Variants in HECTD4 observed in about 807,000 individuals in gnomAD.
HECTD4 encodes HECT domain E3 ubiquitin protein ligase 4, also known as probable E3 ubiquitin-protein ligase HECTD4.
A neutral mutation model predicts 471.5 loss-of-function variants in HECTD4; 114 were observed. The observed-to-expected ratio is 0.24, with a 90% CI of 0.21 to 0.28. The LOEUF (loss-of-function observed/expected upper bound fraction) is 0.28. Ranked by LOEUF, HECTD4 falls within the 10% of genes least tolerant of loss-of-function variation. The probability of loss-of-function intolerance (pLI) is 1.00; values close to 1 mark genes in which losing one functional copy is unlikely to be tolerated. For synonymous variants in HECTD4, 2,012 were observed against 2,256.0 expected, an observed-to-expected ratio of 0.89 and a Z score of 3.07; for missense variants, 3,866 against 5,651.5, an observed-to-expected ratio of 0.68 and a Z score of 10.13.
At chr12:112,250,105 T>C (rs755542962) in intron 25 of HECTD4, 39 bp downstream of exon 25, 1 of 1,462,318 alleles carries the variant, frequency 6.8e-7, no homozygotes, top group East Asian at 2.3e-5. Context: ...AAACTTTTTT[T>C]TCCCATTGGG....
chr12:112,256,290 G>A, intron 21 of HECTD4, 30 bp downstream of exon 21: 1 of 1,458,388 alleles, frequency 6.9e-7, no homozygotes, highest in Non-Finnish European at 9.2e-7. Flanking sequence ...TACTCGAGGT[G>A]GAACCAATAG....
chr12:112,249,650 C>T (rs1336797692), intron 25 of HECTD4: 1 of 154,342 alleles, frequency 6.5e-6, no homozygotes, highest in African/African-American at 2.4e-5. Flanking sequence ...TGACTTTAAG[C>T]AAGAATACCA....
Position 112,235,122 on chromosome 12 carries a change from T to C in HECTD4, c.5870A>G (p.Lys1957Arg). The change falls in exon 37 of 76, where the codon AAG becomes AGG. Residue 1957 changes from lysine to arginine, a missense_variant. Lys to Arg is a conservative substitution (Grantham distance 26). Coordinates refer to ENST00000682272, the MANE Select transcript of HECTD4 (RefSeq NM_001388303.1). This position sits in a 1 kb window ranked among gnomAD's most constrained non-coding sequence, Gnocchi z 5.0. ...VDGKLSIFIH[K>R]REDQSSHEVL... is the part of the protein sequence containing the mutation. The stretch of plus-strand genomic sequence containing the variant: ...TTCATGGGATGACTGGTCTTCCCGC[T>C]TGTGGATAAATATCGAGAGCTTGCC... The C allele has an allele frequency of 6.2e-7, 1 of 1,605,864 alleles. No individual in the cohort carries two copies. The highest frequency in any genetic ancestry group is 8.5e-7 in the Non-Finnish European group (1 of 1,176,040).
intron 7 of HECTD4, among the ~76,000 whole-genome samples, chr12:112,297,337 C>A (rs2035061613): frequency 6.6e-6 from 1 of 151,050 alleles, no homozygotes; most frequent in Admixed American, 6.6e-5. Flanking sequence ...GGTGTAAATG[C>A]AGCAAGTGGT....
chr12:112,183,726 C>A (rs921127449), intron 61 of HECTD4, among the ~76,000 whole-genome samples: 1 of 152,172 alleles, frequency 6.6e-6, no homozygotes, highest in African/African-American at 2.4e-5. Flanking sequence ...TTCTAAACGG[C>A]GAGGCCTAAG....
At chr12:112,372,286 G>T (rs1192366095) in intron 1 of HECTD4, among the ~76,000 whole-genome samples, 2 of 151,688 alleles carry the variant, frequency 1.3e-5, no homozygotes, top group Admixed American at 1.3e-4. Context: ...TTAAGATGGA[G>T]TCTCGCTTTG....
intron 49 of HECTD4, among the ~76,000 whole-genome samples, 199 bp downstream of exon 49, chr12:112,212,288 T>C (rs1249885270): frequency 2.6e-5 from 4 of 152,206 alleles, no homozygotes; most frequent in African/African-American, 9.7e-5. Context: ...GTTCCTGATA[T>C]AGCATTGTTC....
intron 2 of HECTD4, among the ~76,000 whole-genome samples, chr12:112,316,455 T>C (rs1404969880): frequency 6.6e-6 from 1 of 152,164 alleles, no homozygotes; most frequent in African/African-American, 2.4e-5. Flanking sequence ...CTCACTCCTA[T>C]GTAAGCTCTG....
intron 1 of HECTD4, among the ~76,000 whole-genome samples, chr12:112,352,934 C>T (rs186544302): frequency 6.6e-6 from 1 of 152,276 alleles, no homozygotes; most frequent in Admixed American, 6.5e-5. Context: ...AATAAGACAA[C>T]CATCATTCTG....
intron 34 of HECTD4, 107 bp downstream of exon 34, chr12:112,238,945 G>C (rs2033578558): frequency 9.2e-7 from 1 of 1,085,938 alleles, no homozygotes; most frequent in African/African-American, 1.6e-5. Flanking sequence ...ATCTGATCAT[G>C]TCATTTAATA....
intron 49 of HECTD4, 133 bp downstream of exon 49, chr12:112,212,354 C>T: frequency 1.4e-6 from 1 of 713,278 alleles, no homozygotes; most frequent in Non-Finnish European, 2.4e-6. Context: ...CAAGCTGGCT[C>T]TGCCCTTCCT....
chr12:112,329,359 T>C (rs1014328614), intron 1 of HECTD4, among the ~76,000 whole-genome samples: 4 of 144,038 alleles, frequency 2.8e-5, no homozygotes, highest in African/African-American at 1.1e-4. Context: ...TTGATTTGTT[T>C]TGGGTTTTTT....
At position 112,171,237 on chromosome 12, in the gene HECTD4, G is replaced by A. The variant is rs2031208479; in HGVS notation, c.11812C>T (p.Arg3938Cys). The stretch of plus-strand genomic sequence containing the variant: ...TTGAGGGACTGCAGCAAGGCGAAGC[G>A]CAGGCGCAGGCTCTCGATGGGCACG... ...LNVPIESLRL[R>C]FALLQSLNTT... is the part of the protein sequence containing the mutation. The change falls in exon 68 of 76, where the codon CGC (arginine) becomes TGC (cysteine). Residue 3938 changes from arginine to cysteine, a missense_variant. By Grantham distance (180) the Arg-to-Cys change is radical. Around this residue, in one of 16 missense-constraint regions of HECTD4, gnomAD observed 715 missense variants for 1,087.6 expected, o/e 0.66. Coordinates refer to ENST00000682272, the MANE Select transcript of HECTD4 (RefSeq NM_001388303.1). 5.6e-6 allele frequency: 9 copies of A among 1,609,888 alleles called. No homozygotes were observed. Among genetic ancestry groups the A allele is most frequent in the East Asian group, 4.5e-5 (2 of 44,740 alleles).
In HECTD4 at chr12:112,270,277, T is replaced by C. The variant is rs552018424; in HGVS notation, c.2125A>G (p.Met709Val). The stretch of plus-strand genomic sequence containing the variant: ...ATAATACAGGTATCTCCATTAACCA[T>C]GGCCTTCTCCATAATGTCACAAATA... ...SSICDIMEKA[M>V]VNGDTCIIRC... The change falls in exon 12 of 76, where the codon ATG becomes GTG. Residue 709 changes from methionine (M) to valine (V), a missense_variant. Physicochemically the swap from Met to Val is conservative, Grantham distance 21. Around this residue, in one of 16 missense-constraint regions of HECTD4, gnomAD observed 525 missense variants for 672.6 expected, o/e 0.78. Transcript: ENST00000682272. 3.1e-6 allele frequency: 5 copies of C among 1,614,052 alleles called. No individual in the cohort carries two copies. The South Asian group carries it at 4.4e-5, about 14-fold the overall frequency.
At chr12:112,295,842 C>T (rs1457077797) in intron 7 of HECTD4, among the ~76,000 whole-genome samples, 1 of 150,748 alleles carries the variant, frequency 6.6e-6, no homozygotes, top group African/African-American at 2.4e-5. Flanking sequence ...CACACACACA[C>T]ATAGTGATGT....
intron 1 of HECTD4, among the ~76,000 whole-genome samples, chr12:112,356,090 T>C (rs1315964522): frequency 1.3e-5 from 2 of 152,136 alleles, no homozygotes; most frequent in African/African-American, 4.8e-5. Context: ...TTCATGACCC[T>C]GAATAGTATA....
intron 1 of HECTD4, among the ~76,000 whole-genome samples, chr12:112,364,172 A>T (rs2036513214): frequency 6.6e-6 from 1 of 151,952 alleles, no homozygotes; most frequent in South Asian, 2.1e-4. Context: ...TGGGAGGCTA[A>T]GACAGGTGAA....
rs1209774826 is a variant in HECTD4, at chr12:112,176,775, T to G, written c.11364-73A>C. 4 of 1,144,028 alleles carry G rather than the reference T, an allele frequency of 3.5e-6. No homozygotes were observed. In the African/African-American group the frequency reaches 6.1e-5, roughly 17 times the overall value. 70.9% of individuals were successfully genotyped at this position (1,144,028 alleles called of 1,614,324 possible). A position where few individuals can be genotyped will look rare whatever the true frequency, so the allele number is the denominator to read the frequency against. ...TCCCGATAGGAAATACACAGCCTCA[T>G]AGTCATTCATTCCTGCTCCCTCCTC... On this transcript the variant is annotated intron_variant, in intron 64 of 75. Coordinates refer to ENST00000682272, the MANE Select transcript of HECTD4 (RefSeq NM_001388303.1).
intron 1 of HECTD4, among the ~76,000 whole-genome samples, chr12:112,367,176 C>A (rs983921269): frequency 2.8e-4 from 42 of 151,298 alleles, no homozygotes; most frequent in African/African-American, 9.4e-4. Context: ...GTGGCGCACA[C>A]CTGTAATCCC....
Sources: gnomAD v4.1 joint callset for allele counts (sites outside exome capture counted in the v4.1 genomes callset) on GRCh38, gnomAD v4.1.1 for gene constraint, gnomAD v4.1.1 regional missense constraint, Gnocchi (gnomAD v3.1) non-coding constraint, MANE v1.5 for transcripts, NCBI Gene and HGNC (gene_info 2026-07-23, HGNC 2026-07-21) for gene names.